The following LRBA variants were observed in gnomAD, a reference collection of about 807,000 sequenced individuals.
LRBA encodes the protein lipopolysaccharide-responsive and beige-like anchor protein.
LRBA carries 176 observed loss-of-function variants against 330.0 expected under a neutral mutation model. That is an observed-to-expected ratio of 0.53 (90% CI 0.47 to 0.60). The LOEUF is 0.60. Among genes scored for constraint, LRBA ranks in the 20% least tolerant of loss-of-function variants. The pLI is 0.00. For synonymous variants in LRBA, 1,230 were observed against 1,193.0 expected (o/e 1.03, Z -0.64); for missense variants, 3,259 against 3,444.8 (o/e 0.95, Z 1.35).
At chr4:150,977,781 T>C (rs1382874878) in intron 2 of LRBA, among the ~76,000 whole-genome samples, 1 of 152,206 alleles carries the variant, frequency 6.6e-6, no homozygotes, top group Non-Finnish European at 1.5e-5. Context: ...CATGGGTCTG[T>C]GGTGGTGGTG....
chr4:150,534,178 A>G (rs745433164), intron 40 of LRBA, among the ~76,000 whole-genome samples: 2 of 151,498 alleles, frequency 1.3e-5, no homozygotes, highest in Non-Finnish European at 2.9e-5. Context: ...AATAATTACA[A>G]TGTTATATTT....
chr4:150,474,259 G>T (rs1561228269), intron 42 of LRBA, among the ~76,000 whole-genome samples: 1 of 152,036 alleles, frequency 6.6e-6, no homozygotes, highest in South Asian at 2.1e-4. Flanking sequence ...TGGCACCTTT[G>T]CTGCAAAACA....
At position 150,935,414 on chromosome 4, in the gene LRBA, A is replaced by C. The variant is rs925430409; in HGVS notation, c.217-6349T>G. 3.3e-5 allele frequency among the ~76,000 whole-genome samples: 5 copies of C among 152,158 alleles called. No individual in the cohort carries two copies. The East Asian group carries it at 9.6e-4, about 29-fold the overall frequency. ...CATTTCTGATACCAACTATAAGTAT[A>C]AAGTATCTAGGAGTGTATTAAAACA... On this transcript the variant is annotated intron_variant, in intron 2 of 56. Coordinates refer to ENST00000651943, the MANE Select transcript of LRBA (RefSeq NM_001364905.1).
rs116526975 is a variant in LRBA at position 150,471,629 on chromosome 4, A to G, written c.6662T>C (p.Ile2221Thr). Residue 2221 changes from isoleucine (I) to threonine (T), a missense_variant, in exon 43 of 57, where the codon ATA (isoleucine) becomes ACA (threonine). Transcript: ENST00000651943. ...NFEYLMFLNT[I>T]AGRSYNDLNQ... ...AATACATGGAATTAGGTTACCTGCT[A>G]TCGTGTTGAGAAACATCAAGTACTC... 227 of 1,555,104 alleles carry G rather than the reference A, an allele frequency of 1.5e-4. No homozygotes were observed. In the African/African-American group the frequency reaches 2.4e-3, roughly 17 times the overall value.
chr4:150,872,805 T>C (rs1055065678), intron 17 of LRBA, 50 bp from the exon 18 acceptor site: 1 of 900,946 alleles, frequency 1.1e-6, no homozygotes, highest in South Asian at 1.6e-5. Context: ...AATTTTTAAA[T>C]GGAAAGGTTT....
At chr4:150,827,745 G>A (rs1746481025) in intron 30 of LRBA, among the ~76,000 whole-genome samples, 1 of 151,822 alleles carries the variant, frequency 6.6e-6, no homozygotes, top group African/African-American at 2.4e-5. Flanking sequence ...TGGATTACAG[G>A]CACACCCCAC....
intron 52 of LRBA, among the ~76,000 whole-genome samples, chr4:150,306,265 T>C (rs1394032302): frequency 2.0e-5 from 3 of 152,050 alleles, no homozygotes; most frequent in East Asian, 3.8e-4. Context: ...CTCCCCAATC[T>C]AATAAGAGAA....
intron 28 of LRBA, 105 bp downstream of exon 28, chr4:150,843,995 G>A: frequency 1.4e-5 from 9 of 641,744 alleles, no homozygotes; most frequent in Non-Finnish European, 2.7e-6. Context: ...TTCTATCTCT[G>A]CTCCACTATT....
intron 40 of LRBA, among the ~76,000 whole-genome samples, chr4:150,551,762 C>G (rs922490660): frequency 6.6e-6 from 1 of 152,008 alleles, no homozygotes; most frequent in African/African-American, 2.4e-5. Flanking sequence ...TTTTAAACCA[C>G]TAATGAAAAT....
intron 22 of LRBA, among the ~76,000 whole-genome samples, chr4:150,856,198 T>C (rs1429022522): frequency 1.3e-5 from 2 of 152,112 alleles, no homozygotes; most frequent in African/African-American, 2.4e-5. Context: ...AAAACAGGAA[T>C]TTAATCAGCA....
chr4:150,369,132 C>A (rs1739897941), intron 47 of LRBA, among the ~76,000 whole-genome samples: 1 of 151,786 alleles, frequency 6.6e-6, no homozygotes. Flanking sequence ...AATTTCAGGC[C>A]CAAAAGTAAG....
intron 36 of LRBA, chr4:150,684,103 C>T (rs1783304002): frequency 1.2e-5 from 2 of 160,422 alleles, no homozygotes; most frequent in Non-Finnish European, 2.7e-5. Flanking sequence ...AGGGCTACAT[C>T]ATTTGTATTA....
At chr4:150,662,763 T>G (rs547012281) in intron 37 of LRBA, among the ~76,000 whole-genome samples, 38 of 152,278 alleles carry the variant, frequency 2.5e-4, no homozygotes, top group African/African-American at 8.9e-4. Context: ...GGCCTGGAGT[T>G]TGAGACCAGT....
chr4:150,908,115 A>G (rs1731551992), intron 11 of LRBA, among the ~76,000 whole-genome samples: 1 of 152,158 alleles, frequency 6.6e-6, no homozygotes, highest in South Asian at 2.1e-4. Context: ...TTATTCTAAA[A>G]CCAATTTATT....
chr4:150,353,290 T>C (rs1482771005), intron 47 of LRBA, among the ~76,000 whole-genome samples: 1 of 152,148 alleles, frequency 6.6e-6, no homozygotes, highest in Non-Finnish European at 1.5e-5. Context: ...GTAGTTCATA[T>C]ACACACACTA....
chr4:150,633,526 C>A (rs113560977), intron 37 of LRBA, among the ~76,000 whole-genome samples: 1,578 of 152,302 alleles, frequency 0.01, 22 homozygotes, highest in African/African-American at 0.036. Flanking sequence ...CACAATTAGT[C>A]CCCTTCAATG....
At chr4:150,814,958 T>C (rs558656141) in intron 31 of LRBA, among the ~76,000 whole-genome samples, 2 of 151,998 alleles carry the variant, frequency 1.3e-5, no homozygotes, top group South Asian at 2.1e-4. Flanking sequence ...TGTAAAATAT[T>C]ACCCATATGT....
In LRBA at chr4:150,265,721, A is replaced by T; in HGVS notation, c.*1T>A. 1.9e-6 allele frequency: 3 copies of T among 1,603,112 alleles called. No homozygotes were observed. Among genetic ancestry groups the T allele is most frequent in the Non-Finnish European group, 2.6e-6 (3 of 1,169,948 alleles). On this transcript the variant is annotated 3_prime_UTR_variant, in exon 57 of 57. Coordinates refer to ENST00000651943, the MANE Select transcript of LRBA (RefSeq NM_001364905.1). ...GCAGAGTTGATGTACAGCTGTCACC[A>T]TCAGTAGCGGGTTTGGTATTCATGA...
chr4:150,368,262 C>T (rs891470957), intron 47 of LRBA, among the ~76,000 whole-genome samples: 7 of 152,040 alleles, frequency 4.6e-5, no homozygotes, highest in African/African-American at 1.7e-4. Flanking sequence ...AGAAAATGTT[C>T]CCATCAGTGG....
Sources: gnomAD v4.1 joint callset for allele counts (sites outside exome capture counted in the v4.1 genomes callset) on GRCh38, gnomAD v4.1.1 for gene constraint, MANE v1.5 for transcripts, NCBI Gene and HGNC (gene_info 2026-07-23, HGNC 2026-07-21) for gene names.